SHANK2: variants seen among roughly 807,000 people sequenced by gnomAD.
The protein encoded by SHANK2 is SH3 and multiple ankyrin repeat domains 2.
In SHANK2, 43 loss-of-function variants were observed where a neutral mutation model predicts 133.7. The observed-to-expected ratio is 0.32, with a 90% confidence interval of 0.25 to 0.41. The LOEUF (loss-of-function observed/expected upper bound fraction) is 0.41, where lower values mean the gene tolerates loss of function less well. SHANK2 is among the 10% of genes least tolerant of loss of function. The probability of loss-of-function intolerance (pLI) is 1.00; values close to 1 mark genes in which losing one functional copy is unlikely to be tolerated. For synonymous variants in SHANK2, 1,017 were observed against 952.8 expected, an observed-to-expected ratio of 1.07 and a Z score of -1.24; for missense variants, 1,994 against 2,235.8, an observed-to-expected ratio of 0.89 and a Z score of 2.18.
chr11:70,758,942 C>T (rs570426661), intron 14 of SHANK2, among the ~76,000 whole-genome samples: 76 of 151,168 alleles, frequency 5.0e-4, no homozygotes, highest in African/African-American at 1.7e-3. Flanking sequence ...AGGCGGATCA[C>T]GAGGTCAAGA....
At chr11:71,067,598 G>C (rs1204558862) in intron 9 of SHANK2, among the ~76,000 whole-genome samples, 9 of 152,146 alleles carry the variant, frequency 5.9e-5, no homozygotes, top group Non-Finnish European at 1.3e-4. Context: ...GCCTAAAACT[G>C]ATAAAGCACA....
intron 2 of SHANK2, among the ~76,000 whole-genome samples, chr11:71,202,764 T>C (rs1306310559): frequency 6.6e-6 from 1 of 152,228 alleles, no homozygotes; most frequent in East Asian, 1.9e-4. Context: ...ACAGCAAGGC[T>C]GTCTCCATCC....
intron 11 of SHANK2, among the ~76,000 whole-genome samples, chr11:70,895,125 G>A (rs1003879113): frequency 2.0e-5 from 3 of 152,198 alleles, no homozygotes; most frequent in Admixed American, 6.5e-5. Flanking sequence ...AGTGTCAGGC[G>A]CAGCCTTTGG....
chr11:70,872,742 C>T (rs1246702729), intron 11 of SHANK2, among the ~76,000 whole-genome samples: 2 of 152,144 alleles, frequency 1.3e-5, no homozygotes, highest in African/African-American at 4.8e-5. Flanking sequence ...TTTTCCTCCA[C>T]ACTGACCACT....
chr11:70,667,988 C>T (rs1249709732), intron 15 of SHANK2: 3 of 152,146 alleles, frequency 2.0e-5, no homozygotes, highest in African/African-American at 4.8e-5. Flanking sequence ...GTCAAGCCGC[C>T]GTGTAAATCA....
intron 2 of SHANK2, among the ~76,000 whole-genome samples, chr11:71,199,695 C>G (rs1555116757): frequency 6.6e-6 from 1 of 152,182 alleles, no homozygotes; most frequent in Non-Finnish European, 1.5e-5. Flanking sequence ...GCAGCTGGGT[C>G]GTCAGGAACC....
chr11:70,511,128 G>A (rs2059199592), intron 17 of SHANK2, among the ~76,000 whole-genome samples: 2 of 152,198 alleles, frequency 1.3e-5, no homozygotes, highest in African/African-American at 4.8e-5. Context: ...GGATGCCAAC[G>A]GAGTGTGCCC....
intron 11 of SHANK2, among the ~76,000 whole-genome samples, chr11:70,865,783 G>GATTC (rs1433354491): frequency 6.6e-6 from 1 of 152,208 alleles, no homozygotes; most frequent in Non-Finnish European, 1.5e-5. Context: ...CAGATAGATA[G>GATTC]ATTCATTCAT....
At chr11:70,926,710 C>A (rs1950432070) in intron 10 of SHANK2, among the ~76,000 whole-genome samples, 1 of 152,158 alleles carries the variant, frequency 6.6e-6, no homozygotes, top group Non-Finnish European at 1.5e-5. Context: ...AGAGCGTGGC[C>A]CCATTCAGCC....
At chr11:71,226,218 G>C (rs1215974540) in intron 1 of SHANK2, among the ~76,000 whole-genome samples, 1 of 152,174 alleles carries the variant, frequency 6.6e-6, no homozygotes, top group Non-Finnish European at 1.5e-5. Context: ...GGGGACAGAG[G>C]AAATAATCAG....
chr11:71,191,040 C>T (rs999643134), intron 2 of SHANK2, among the ~76,000 whole-genome samples: 8 of 152,186 alleles, frequency 5.3e-5, no homozygotes, highest in African/African-American at 1.4e-4. Context: ...GGCACAGTGG[C>T]TCACGCCTGT....
intron 17 of SHANK2, among the ~76,000 whole-genome samples, chr11:70,525,338 C>T (rs1397542871): frequency 3.9e-5 from 6 of 152,202 alleles, no homozygotes; most frequent in Admixed American, 2.6e-4. Flanking sequence ...CCCAGGCTCA[C>T]CCAAGGAACA....
intron 7 of SHANK2, 79 bp from the exon 8 acceptor site, chr11:71,092,668 C>T: frequency 2.1e-6 from 3 of 1,401,022 alleles, no homozygotes; most frequent in Non-Finnish European, 2.9e-6. Context: ...GAAAGCAGCA[C>T]CAGGACCACC....
chr11:70,798,208 T>C (rs1012612170), intron 14 of SHANK2, among the ~76,000 whole-genome samples: 36 of 152,216 alleles, frequency 2.4e-4, no homozygotes, highest in African/African-American at 8.4e-4. Flanking sequence ...GGACGTGTAC[T>C]GAGCAGCCTT....
chr11:70,838,367 A>T (rs1948855166), intron 11 of SHANK2, among the ~76,000 whole-genome samples: 1 of 152,120 alleles, frequency 6.6e-6, no homozygotes, highest in Non-Finnish European at 1.5e-5. Context: ...TTCTCTTCCT[A>T]GCTAGTAATT....
At chr11:70,636,823 TGA>T (rs2061106568) in intron 17 of SHANK2, among the ~76,000 whole-genome samples, 2 of 152,092 alleles carry the variant, frequency 1.3e-5, no homozygotes, top group African/African-American at 4.8e-5. Flanking sequence ...TGGGCATGTG[TGA>T]GAACTTGTGT....
chr11:70,581,214 A>C (rs1367815524), intron 17 of SHANK2, among the ~76,000 whole-genome samples: 1 of 152,252 alleles, frequency 6.6e-6, no homozygotes, highest in African/African-American at 2.4e-5. Flanking sequence ...TCTTGTAGTC[A>C]CTGAAATAAA....
chr11:70,722,011 T>C (rs1396360468), intron 14 of SHANK2, among the ~76,000 whole-genome samples: 3 of 152,246 alleles, frequency 2.0e-5, no homozygotes, highest in African/African-American at 7.2e-5. Flanking sequence ...TCAAGGTGAC[T>C]GCAGGATCAT....
chr11:70,540,827 C>T (rs370220778), intron 17 of SHANK2, among the ~76,000 whole-genome samples: 5 of 92,364 alleles, frequency 5.4e-5, no homozygotes, highest in Non-Finnish European at 8.3e-5. Flanking sequence ...CCAGCCTGGG[C>T]GAAAGAGTAA....
Sources: allele counts gnomAD v4.1 joint callset (sites outside exome capture counted in the v4.1 genomes callset), GRCh38; gene constraint gnomAD v4.1.1; transcripts MANE v1.5; gene names NCBI Gene and HGNC (gene_info 2026-07-23, HGNC 2026-07-21).